COL24A1: variants seen among roughly 807,000 people sequenced by gnomAD.
COL24A1 encodes the protein collagen alpha-1(XXIV) chain.
In COL24A1, 224 loss-of-function variants were observed where a neutral mutation model predicts 253.9. The ratio of observed to expected loss-of-function variants is 0.88; its 90% CI spans 0.79 to 0.99. The LOEUF (loss-of-function observed/expected upper bound fraction) is 0.99. Ranked by LOEUF, COL24A1 falls within the 50% of genes least tolerant of loss-of-function variation. The probability of loss-of-function intolerance (pLI) is 0.00; values close to 1 mark genes in which losing one functional copy is unlikely to be tolerated. For missense variants in COL24A1, 2,131 were observed against 2,068.5 expected (o/e 1.03, Z -0.59); for synonymous variants, 685 against 673.7 (o/e 1.02, Z -0.26).
Position 85,853,162 on chromosome 1 carries a change from T to G in COL24A1, c.3301-3756A>C, listed in dbSNP as rs1292958135. Among the ~76,000 whole-genome samples, 3 of 152,294 alleles carry G rather than the reference T, an allele frequency of 2.0e-5. No individual in the cohort carries two copies. In the East Asian group the frequency reaches 5.8e-4, roughly 29 times the overall value. On this transcript the variant is annotated intron_variant, in intron 37 of 59. Coordinates refer to ENST00000370571, the MANE Select transcript of COL24A1 (RefSeq NM_152890.7). ...AGTAGGTCCTGATGTTAATTGTTCC[T>G]TTCTTTGTGTCCATGTGTACTCAAG...
intron 39 of COL24A1, among the ~76,000 whole-genome samples, chr1:85,846,829 A>G (rs1298290671): frequency 6.6e-6 from 1 of 152,066 alleles, no homozygotes; most frequent in Non-Finnish European, 1.5e-5. Flanking sequence ...AATTTAAATG[A>G]AAGAAAGTAA....
At chr1:85,774,849 G>T (rs975254749) in intron 53 of COL24A1, among the ~76,000 whole-genome samples, 1 of 152,050 alleles carries the variant, frequency 6.6e-6, no homozygotes, top group South Asian at 2.1e-4. Flanking sequence ...TTTCTTGAAG[G>T]GTTTTTTGGT....
chr1:85,866,168 C>CA (rs1299898534), intron 37 of COL24A1, among the ~76,000 whole-genome samples: 12 of 151,866 alleles, frequency 7.9e-5, no homozygotes, highest in Non-Finnish European at 1.8e-4. Flanking sequence ...GAGGCTGAGG[C>CA]AGGAGAATCA....
intron 37 of COL24A1, among the ~76,000 whole-genome samples, chr1:85,864,272 CTAT>C (rs1210049193): frequency 6.6e-6 from 1 of 152,022 alleles, no homozygotes; most frequent in East Asian, 1.9e-4. Context: ...AAGCTGGAAG[CTAT>C]CATTCTCAGC....
At chr1:86,051,841 C>T (rs1030623039) in intron 10 of COL24A1, among the ~76,000 whole-genome samples, 2 of 151,754 alleles carry the variant, frequency 1.3e-5, no homozygotes, top group Admixed American at 1.3e-4. Context: ...AAATAGAAAA[C>T]CTGAGTTTGA....
intron 31 of COL24A1, 106 bp from the exon 32 acceptor site, chr1:85,889,719 TCTATTG>T: frequency 1.1e-6 from 1 of 891,966 alleles, no homozygotes; most frequent in Middle Eastern, 2.2e-4. Flanking sequence ...AACTTTTCTG[TCTATTG>T]CTATTCTTTT....
At chr1:85,849,503 G>T in intron 37 of COL24A1, 97 bp from the exon 38 acceptor site, 1 of 927,332 alleles carries the variant, frequency 1.1e-6, no homozygotes, top group South Asian at 1.5e-5. Flanking sequence ...GATTGGATTG[G>T]ACGAGAAGTA....
intron 19 of COL24A1, among the ~76,000 whole-genome samples, chr1:85,994,714 G>T (rs1694613111): frequency 6.6e-6 from 1 of 152,172 alleles, no homozygotes; most frequent in African/African-American, 2.4e-5. Flanking sequence ...AAAGGCAAAT[G>T]TAATAAATTC....
intron 24 of COL24A1, among the ~76,000 whole-genome samples, chr1:85,926,427 A>G (rs953625954): frequency 2.0e-5 from 3 of 152,246 alleles, no homozygotes; most frequent in African/African-American, 7.2e-5. Flanking sequence ...CCAAATGTCC[A>G]TCAATGACAG....
chr1:86,037,543 C>T (rs1210854604), intron 12 of COL24A1, among the ~76,000 whole-genome samples: 1 of 152,136 alleles, frequency 6.6e-6, no homozygotes, highest in Non-Finnish European at 1.5e-5. Flanking sequence ...CTCCATTCTA[C>T]AACCTCAAGG....
At chr1:86,043,130 G>A (rs946789785) in intron 12 of COL24A1, among the ~76,000 whole-genome samples, 2 of 152,010 alleles carry the variant, frequency 1.3e-5, no homozygotes, top group Non-Finnish European at 2.9e-5. Flanking sequence ...AAAAATCTAA[G>A]TATAAAATGT....
At chr1:86,022,736 A>G in intron 16 of COL24A1, 97 bp downstream of exon 16, 1 of 1,224,302 alleles carries the variant, frequency 8.2e-7, no homozygotes. Context: ...TACAAATTAG[A>G]CTCCATAAAA....
At chr1:85,959,308 C>A (rs1352751043) in intron 24 of COL24A1, among the ~76,000 whole-genome samples, 1 of 152,024 alleles carries the variant, frequency 6.6e-6, no homozygotes, top group Non-Finnish European at 1.5e-5. Flanking sequence ...GCTTCATGTG[C>A]CATCCTTAAC....
At chr1:85,809,778 T>C (rs1375832151) in intron 47 of COL24A1, among the ~76,000 whole-genome samples, 1 of 147,412 alleles carries the variant, frequency 6.8e-6, no homozygotes, top group Non-Finnish European at 1.5e-5. Flanking sequence ...CACATATATA[T>C]AGTATATAAT....
chr1:85,976,857 G>A, intron 20 of COL24A1, among the ~76,000 whole-genome samples: 1 of 152,160 alleles, frequency 6.6e-6, no homozygotes, highest in East Asian at 1.9e-4. Flanking sequence ...TCCACTGACT[G>A]CAACACCCTG....
At chr1:86,133,176 G>A (rs1572034880) in intron 2 of COL24A1, among the ~76,000 whole-genome samples, 3 of 152,138 alleles carry the variant, frequency 2.0e-5, no homozygotes, top group Non-Finnish European at 4.4e-5. Flanking sequence ...GTATAAGAAT[G>A]CTTGTGATTT....
intron 35 of COL24A1, among the ~76,000 whole-genome samples, chr1:85,871,547 C>G (rs935492064): frequency 6.6e-6 from 1 of 152,056 alleles, no homozygotes; most frequent in African/African-American, 2.4e-5. Flanking sequence ...TCAACATATG[C>G]GAATCAATAA....
chr1:86,106,932 T>C (rs901234241), intron 5 of COL24A1, among the ~76,000 whole-genome samples: 4 of 152,200 alleles, frequency 2.6e-5, no homozygotes, highest in Non-Finnish European at 5.9e-5. Context: ...TTCTATTGTT[T>C]AACAATTTAA....
intron 7 of COL24A1, among the ~76,000 whole-genome samples, chr1:86,072,044 A>G (rs981724326): frequency 5.9e-5 from 9 of 152,180 alleles, no homozygotes; most frequent in African/African-American, 1.7e-4. Context: ...GGACGCCTAC[A>G]CCACCAAGGG....
Sources: gnomAD v4.1 joint callset for allele counts (sites outside exome capture counted in the v4.1 genomes callset) on GRCh38, gnomAD v4.1.1 for gene constraint, MANE v1.5 for transcripts, NCBI Gene and HGNC (gene_info 2026-07-23, HGNC 2026-07-21) for gene names.